The following DSCAM variants were observed in gnomAD, a reference collection of about 807,000 sequenced individuals.
DSCAM encodes the protein cell adhesion molecule DSCAM.
A neutral mutation model predicts 217.7 loss-of-function variants in DSCAM; 47 were observed. The observed-to-expected ratio is 0.22, with a 90% CI of 0.17 to 0.28. The LOEUF (loss-of-function observed/expected upper bound fraction) is 0.28, where lower values mean the gene tolerates loss of function less well. Among genes scored for constraint, DSCAM ranks in the 10% least tolerant of loss-of-function variants. The probability of loss-of-function intolerance (pLI) is 1.00; values close to 1 mark genes in which losing one functional copy is unlikely to be tolerated. For synonymous variants in DSCAM, 1,056 were observed against 1,015.3 expected (o/e 1.04, Z -0.76); for missense variants, 2,080 against 2,618.3 (o/e 0.79, Z 4.49).
At chr21:40,267,045 G>C (rs2073547724) in intron 11 of DSCAM, among the ~76,000 whole-genome samples, 1 of 151,388 alleles carries the variant, frequency 6.6e-6, no homozygotes, top group African/African-American at 2.4e-5. Flanking sequence ...GTGGGAGGGA[G>C]GTGAGGGATA....
chr21:40,661,053 C>G (rs905497568), intron 3 of DSCAM, among the ~76,000 whole-genome samples: 1 of 152,172 alleles, frequency 6.6e-6, no homozygotes, highest in Non-Finnish European at 1.5e-5. Flanking sequence ...CTCACTCACC[C>G]TTGGCCTGGA....
At chr21:40,178,590 C>T (rs904920652) in intron 15 of DSCAM, among the ~76,000 whole-genome samples, 1 of 152,168 alleles carries the variant, frequency 6.6e-6, no homozygotes, top group African/African-American at 2.4e-5. Context: ...GAAACACACT[C>T]ACGGTTCTCC....
At chr21:40,402,676 GT>G (rs112357046) in intron 3 of DSCAM, among the ~76,000 whole-genome samples, 18,517 of 138,080 alleles carry the variant, frequency 0.13, 1,844 homozygotes, top group African/African-American at 0.29. Flanking sequence ...TTTTTTATTT[GT>G]TTTTTTTTTT....
chr21:40,791,117 GA>G (rs1392069826), intron 1 of DSCAM, among the ~76,000 whole-genome samples: 1 of 150,640 alleles, frequency 6.6e-6, no homozygotes, highest in East Asian at 2.0e-4. Flanking sequence ...CCAGGAGGCA[GA>G]GGTACTCCAG....
chr21:40,342,295 ATAT>A (rs2074501112), intron 6 of DSCAM, among the ~76,000 whole-genome samples: 1 of 152,078 alleles, frequency 6.6e-6, no homozygotes, highest in Non-Finnish European at 1.5e-5. Context: ...TATGACACAT[ATAT>A]TTGTGTGTGT....
chr21:40,559,363 C>G (rs536302438), intron 3 of DSCAM, among the ~76,000 whole-genome samples: 4 of 150,936 alleles, frequency 2.7e-5, no homozygotes. Context: ...GAGGCTGAGG[C>G]AGAAGAATAG....
At chr21:40,254,995 C>T (rs1283136759) in intron 11 of DSCAM, among the ~76,000 whole-genome samples, 2 of 152,000 alleles carry the variant, frequency 1.3e-5, no homozygotes, top group Non-Finnish European at 2.9e-5. Flanking sequence ...GGGTAAAGGC[C>T]CCCTGGTCTA....
chr21:40,367,749 T>C (rs958748447), intron 4 of DSCAM, among the ~76,000 whole-genome samples: 1 of 152,194 alleles, frequency 6.6e-6, no homozygotes, highest in Non-Finnish European at 1.5e-5. Context: ...CTGTTAGTCC[T>C]GAATGCTCAG....
intron 2 of DSCAM, among the ~76,000 whole-genome samples, chr21:40,707,579 T>C (rs1417805249): frequency 6.6e-6 from 1 of 152,166 alleles, no homozygotes; most frequent in East Asian, 1.9e-4. Flanking sequence ...ACTCACTTAC[T>C]GAAGAAATTA....
intron 3 of DSCAM, among the ~76,000 whole-genome samples, chr21:40,674,166 G>A (rs2090309884): frequency 6.6e-6 from 1 of 151,966 alleles, no homozygotes; most frequent in African/African-American, 2.4e-5. Flanking sequence ...GAGAAATGTT[G>A]GTCAAAAATA....
At chr21:40,170,593 C>A (rs1244883467) in intron 15 of DSCAM, among the ~76,000 whole-genome samples, 1 of 152,306 alleles carries the variant, frequency 6.6e-6, no homozygotes, top group East Asian at 1.9e-4. Context: ...CACCCAATTT[C>A]TTGCACATGG....
At position 40,052,015 on chromosome 21, in the gene DSCAM, A is replaced by T; in HGVS notation, c.5128T>A (p.Ser1710Thr). Reference sequence around the variant, plus strand: ...AAGGGCCCAGTGGCCTGAGACACCGATTGGTAATGGACCGTGTGAGTGACC... The same window carrying T: ...AAGGGCCCAGTGGCCTGAGACACCGTTTGGTAATGGACCGTGTGAGTGACC... ...LTVTHTVHYQ[S>T]VSQATGPLVD... is the part of the protein sequence containing the mutation. The change falls in exon 30 of 33, where the codon TCG (serine) becomes ACG (threonine). Residue 1710 changes from serine (S) to threonine (T), a missense_variant. Coordinates refer to ENST00000400454, the MANE Select transcript of DSCAM (RefSeq NM_001389.5). 6.2e-7 allele frequency: 1 copy of T among 1,614,002 alleles called. No individual in the cohort carries two copies. Among genetic ancestry groups the T allele is most frequent in the Non-Finnish European group, 8.5e-7 (1 of 1,179,962 alleles).
intron 1 of DSCAM, among the ~76,000 whole-genome samples, chr21:40,813,241 C>T (rs2123553268): frequency 6.6e-6 from 1 of 152,306 alleles, no homozygotes; most frequent in South Asian, 2.1e-4. Flanking sequence ...TGGATTTGAA[C>T]CCACATCTCT....
At chr21:40,444,179 A>G (rs1001207599) in intron 3 of DSCAM, among the ~76,000 whole-genome samples, 1 of 152,164 alleles carries the variant, frequency 6.6e-6, no homozygotes, top group Admixed American at 6.5e-5. Context: ...GAGACTCAGG[A>G]TACTAGATTG....
chr21:40,088,832 T>C (rs1456609162), intron 21 of DSCAM, among the ~76,000 whole-genome samples: 1 of 152,244 alleles, frequency 6.6e-6, no homozygotes, highest in Non-Finnish European at 1.5e-5. Flanking sequence ...TCCAGCTTTA[T>C]AACAGTCACC....
intron 20 of DSCAM, among the ~76,000 whole-genome samples, chr21:40,104,228 A>T (rs1246332064): frequency 6.6e-6 from 1 of 152,200 alleles, no homozygotes; most frequent in Non-Finnish European, 1.5e-5. Context: ...TCACCTATTC[A>T]ACAAATTCTG....
intron 3 of DSCAM, among the ~76,000 whole-genome samples, chr21:40,529,624 GA>G (rs1240930382): frequency 2.0e-5 from 3 of 152,048 alleles, no homozygotes; most frequent in Non-Finnish European, 2.9e-5. Flanking sequence ...ACCATAATAT[GA>G]TTGGATGAGA....
intron 1 of DSCAM, among the ~76,000 whole-genome samples, chr21:40,766,106 C>G (rs2837812): frequency 6.6e-6 from 1 of 152,040 alleles, no homozygotes; most frequent in Non-Finnish European, 1.5e-5. Flanking sequence ...AAATTGCGGC[C>G]GTTTCCCTCC....
At chr21:40,363,103 T>C (rs576625645) in intron 4 of DSCAM, among the ~76,000 whole-genome samples, 2 of 152,220 alleles carry the variant, frequency 1.3e-5, no homozygotes, top group East Asian at 3.9e-4. Context: ...TGGTCCCTTT[T>C]AGTAGTGAAT....
Sources: allele counts gnomAD v4.1 joint callset (sites outside exome capture counted in the v4.1 genomes callset), GRCh38; gene constraint gnomAD v4.1.1; transcripts MANE v1.5; gene names NCBI Gene and HGNC (gene_info 2026-07-23, HGNC 2026-07-21).